KAZN: variants seen among roughly 807,000 people sequenced by gnomAD.
KAZN encodes the protein kazrin, periplakin interacting protein, also known as kazrin.
A neutral mutation model predicts 87.4 loss-of-function variants in KAZN; 40 were observed. The observed-to-expected ratio is 0.46, with a 90% CI of 0.36 to 0.60. The LOEUF is 0.60. Ranked by LOEUF, KAZN falls within the 20% of genes least tolerant of loss-of-function variation. The pLI, the probability that KAZN is intolerant of heterozygous loss-of-function variation, is 0.00. For missense variants in KAZN, 898 were observed against 1,073.9 expected (o/e 0.84, Z 2.29); for synonymous variants, 466 against 458.3 (o/e 1.02, Z -0.22).
intron 14 of KAZN, 170 bp from the exon 15 acceptor site, chr1:15,114,301 C>T (rs1248339955): frequency 3.3e-6 from 2 of 602,948 alleles, no homozygotes; most frequent in Non-Finnish European, 5.9e-6. Flanking sequence ...TTCACAAACT[C>T]CCCTCAACCT....
intron 1 of KAZN, among the ~76,000 whole-genome samples, chr1:14,864,678 G>GT (rs1464009287): frequency 2.0e-5 from 3 of 152,124 alleles, no homozygotes; most frequent in Non-Finnish European, 4.4e-5. Context: ...GGTGAACGTG[G>GT]TTTTTTTGCA....
At chr1:14,165,636 C>G (rs1645809102) in intron 1 of KAZN, among the ~76,000 whole-genome samples, 1 of 152,130 alleles carries the variant, frequency 6.6e-6, no homozygotes, top group Non-Finnish European at 1.5e-5. Flanking sequence ...GGTGGTTTCT[C>G]CTTAGATGCT....
intron 1 of KAZN, among the ~76,000 whole-genome samples, chr1:14,057,094 G>A (rs1270830960): frequency 6.6e-6 from 1 of 150,434 alleles, no homozygotes; most frequent in Non-Finnish European, 1.5e-5. Flanking sequence ...AGTTGCAGAA[G>A]GGAACTTGCA....
intron 2 of KAZN, among the ~76,000 whole-genome samples, chr1:14,413,253 A>C (rs1206681012): frequency 6.6e-6 from 1 of 151,948 alleles, no homozygotes; most frequent in Non-Finnish European, 1.5e-5. Flanking sequence ...TACGGAAAAT[A>C]ATTAAATTAG....
intron 2 of KAZN, among the ~76,000 whole-genome samples, chr1:14,578,778 T>C (rs1423630381): frequency 2.0e-5 from 3 of 152,214 alleles, no homozygotes; most frequent in Non-Finnish European, 4.4e-5. Context: ...ATATGCCTTA[T>C]AATTTTTTTA....
chr1:14,593,533 CAAA>C (rs1676322421), intron 2 of KAZN, among the ~76,000 whole-genome samples: 1 of 152,212 alleles, frequency 6.6e-6, no homozygotes, highest in African/African-American at 2.4e-5. Flanking sequence ...GAATCCAAGA[CAAA>C]GAAGAATAAG....
At chr1:14,885,547 T>C (rs1451462414) in intron 1 of KAZN, among the ~76,000 whole-genome samples, 1 of 152,160 alleles carries the variant, frequency 6.6e-6, no homozygotes, top group Non-Finnish European at 1.5e-5. Flanking sequence ...GGGGTCTCAC[T>C]ATGTTGCCCA....
At chr1:15,074,011 G>A (rs909337378) in intron 8 of KAZN, among the ~76,000 whole-genome samples, 1 of 152,208 alleles carries the variant, frequency 6.6e-6, no homozygotes, top group Non-Finnish European at 1.5e-5. Context: ...CCCCAGCCCA[G>A]CGCCTTCAGG....
chr1:14,562,229 T>C (rs752501795), intron 2 of KAZN, among the ~76,000 whole-genome samples: 29 of 152,334 alleles, frequency 1.9e-4, no homozygotes, highest in South Asian at 1.7e-3. Flanking sequence ...GAATTAGTTG[T>C]GAGCAATTGC....
At chr1:14,645,561 G>A (rs764626321) in intron 1 of KAZN, among the ~76,000 whole-genome samples, 3 of 152,148 alleles carry the variant, frequency 2.0e-5, no homozygotes, top group Non-Finnish European at 4.4e-5. Flanking sequence ...TATTGTTGGT[G>A]TATATGAATG....
At chr1:14,825,143 C>T (rs1244024486) in intron 1 of KAZN, among the ~76,000 whole-genome samples, 1 of 152,268 alleles carries the variant, frequency 6.6e-6, no homozygotes, top group Non-Finnish European at 1.5e-5. Flanking sequence ...CTAGCAAGGA[C>T]TGCCTTTTAA....
At chr1:13,914,594 A>G (rs1024660711) in intron 1 of KAZN, among the ~76,000 whole-genome samples, 1 of 152,098 alleles carries the variant, frequency 6.6e-6, no homozygotes, top group Non-Finnish European at 1.5e-5. Flanking sequence ...TTCTTAGCTG[A>G]CCATGGAGAG....
intron 1 of KAZN, among the ~76,000 whole-genome samples, chr1:14,030,052 A>T (rs1478823564): frequency 6.6e-6 from 1 of 151,938 alleles, no homozygotes; most frequent in Admixed American, 6.6e-5. Context: ...TTGAATCTGT[A>T]AATTACCTTG....
At chr1:14,807,988 G>T (rs1297201569) in intron 1 of KAZN, among the ~76,000 whole-genome samples, 2 of 152,172 alleles carry the variant, frequency 1.3e-5, no homozygotes, top group Non-Finnish European at 2.9e-5. Flanking sequence ...AGACAAAGGA[G>T]CAAGGAAGGA....
intron 1 of KAZN, among the ~76,000 whole-genome samples, chr1:14,914,738 T>C (rs1657613905): frequency 6.6e-6 from 1 of 152,238 alleles, no homozygotes; most frequent in Non-Finnish European, 1.5e-5. Context: ...CAGAACTTTC[T>C]AAGTTTGAAT....
chr1:15,100,541 A>G (rs1010411401), intron 10 of KAZN, among the ~76,000 whole-genome samples: 6 of 152,202 alleles, frequency 3.9e-5, no homozygotes, highest in African/African-American at 1.4e-4. Flanking sequence ...TCCTTCTGCA[A>G]GGCTGCCACT....
At chr1:15,103,280 G>GA (rs1316533408) in intron 11 of KAZN, 79 bp from the exon 12 acceptor site, 49 of 1,023,800 alleles carry the variant, frequency 4.8e-5, no homozygotes, top group Non-Finnish European at 6.9e-5. Flanking sequence ...GGGAAAAAGA[G>GA]ATGCGGGGCA....
intron 1 of KAZN, among the ~76,000 whole-genome samples, chr1:14,130,428 TA>T (rs559165297): frequency 7.1e-4 from 108 of 152,236 alleles, no homozygotes; most frequent in Non-Finnish European, 1.2e-3. Flanking sequence ...TTTTTATTAT[TA>T]AAAAAAATTC....
chr1:14,659,519 G>A lies in KAZN; in HGVS notation c.226+60296G>A, dbSNP rs183958113. Among the ~76,000 whole-genome samples the A allele has an allele frequency of 5.9e-5, 9 of 152,218 alleles. No individual in the cohort carries two copies. In the East Asian group the frequency reaches 9.6e-4, roughly 16 times the overall value. The stretch of plus-strand genomic sequence containing the variant: ...GAGTTCCTTTTCCTTTGCTATCTCC[G>A]TAGGCAGCACTTTATGTTGTGTTTT... On this transcript the variant is annotated intron_variant, in intron 1 of 14. Transcript: ENST00000376030.
Sources: allele counts gnomAD v4.1 joint callset (sites outside exome capture counted in the v4.1 genomes callset), GRCh38; gene constraint gnomAD v4.1.1; transcripts MANE v1.5; gene names NCBI Gene and HGNC (gene_info 2026-07-23, HGNC 2026-07-21).